Variants in INTS6 observed in about 807,000 individuals in gnomAD.
INTS6 encodes integrator complex subunit 6, also known as DEAD box protein.
INTS6 carries 16 observed loss-of-function variants against 104.9 expected under a neutral mutation model. That is an observed-to-expected ratio of 0.15 (90% confidence interval 0.10 to 0.23). INTS6 has a LOEUF of 0.23. INTS6 is among the 10% of genes least tolerant of loss of function. The probability of loss-of-function intolerance (pLI) is 1.00; values close to 1 mark genes in which losing one functional copy is unlikely to be tolerated. For synonymous variants in INTS6, 324 were observed against 358.7 expected (o/e 0.90, Z 1.09); for missense variants, 584 against 1,062.8 (o/e 0.55, Z 6.26).
At chr13:51,391,817 C>A (rs1461757866) in intron 5 of INTS6, among the ~76,000 whole-genome samples, 3 of 152,150 alleles carry the variant, frequency 2.0e-5, no homozygotes, top group Non-Finnish European at 4.4e-5. Flanking sequence ...TGTATTTAAT[C>A]TAGAAATATC....
chr13:51,417,460 T>C (rs1956809610), intron 4 of INTS6, among the ~76,000 whole-genome samples: 1 of 148,004 alleles, frequency 6.8e-6, no homozygotes, highest in Non-Finnish European at 1.5e-5. Flanking sequence ...TTCTTTTTTT[T>C]TTTTTTTTTT....
downstream of INTS6, among the ~76,000 whole-genome samples, chr13:51,358,003 C>A (rs911475170): frequency 3.2e-4 from 49 of 152,088 alleles, no homozygotes; most frequent in African/African-American, 1.2e-3. Context: ...TTAACTTATG[C>A]CACACCAGAT....
At chr13:51,337,774 T>C in the INTS6 span, among the ~76,000 whole-genome samples, 1 of 152,198 alleles carries the variant, frequency 6.6e-6, no homozygotes, top group Admixed American at 6.5e-5. Flanking sequence ...TGGAACACAG[T>C]AAGTGCTCAG....
intron 4 of INTS6, among the ~76,000 whole-genome samples, chr13:51,398,400 G>C (rs1483028304): frequency 6.6e-6 from 1 of 151,814 alleles, no homozygotes; most frequent in Non-Finnish European, 1.5e-5. Flanking sequence ...GCAAAAAATG[G>C]GCAATAGATA....
chr13:51,348,330 T>TCGAGCCACAC, the INTS6 span: 2 of 1,613,782 alleles, frequency 1.2e-6, no homozygotes, highest in Non-Finnish European at 1.7e-6. Context: ...CTGAGCCACA[T>TCGAGCCACAC]CGAGCCACAC....
intron 3 of INTS6, among the ~76,000 whole-genome samples, chr13:51,433,993 A>G (rs1434262505): frequency 1.3e-5 from 2 of 152,248 alleles, no homozygotes; most frequent in East Asian, 1.9e-4. Context: ...AACCTTATTA[A>G]GCTATTCTAA....
chr13:51,408,290 C>G (rs182136840), intron 4 of INTS6, among the ~76,000 whole-genome samples: 1,581 of 151,704 alleles, frequency 0.01, 17 homozygotes, highest in Non-Finnish European at 0.015. Flanking sequence ...ATTACAGGCG[C>G]CTGCCACCAT....
the INTS6 span, chr13:51,341,371 A>T: frequency 1.9e-6 from 3 of 1,558,148 alleles, no homozygotes; most frequent in African/African-American, 4.1e-5. Context: ...CCACGTGCAC[A>T]CTCACTTACC....
At chr13:51,434,249 T>C (rs1957146600) in intron 3 of INTS6, among the ~76,000 whole-genome samples, 1 of 152,178 alleles carries the variant, frequency 6.6e-6, no homozygotes, top group Non-Finnish European at 1.5e-5. Context: ...TTTCTTGATG[T>C]ATAAAATCAG....
At chr13:51,370,980 T>C (rs1955792155) in intron 15 of INTS6, among the ~76,000 whole-genome samples, 1 of 152,192 alleles carries the variant, frequency 6.6e-6, no homozygotes, top group African/African-American at 2.4e-5. Flanking sequence ...GTTATTGCTA[T>C]CAAGCACATC....
chr13:51,419,555 A>T (rs1469734255), intron 4 of INTS6, among the ~76,000 whole-genome samples: 1 of 152,182 alleles, frequency 6.6e-6, no homozygotes, highest in East Asian at 1.9e-4. Flanking sequence ...CCAACTCAAG[A>T]CATTTCCTAG....
chr13:51,432,381 A>G (rs1957107123), intron 3 of INTS6, among the ~76,000 whole-genome samples: 1 of 152,150 alleles, frequency 6.6e-6, no homozygotes, highest in Non-Finnish European at 1.5e-5. Context: ...CAATGTGAAT[A>G]TATCTAACAC....
downstream of INTS6, among the ~76,000 whole-genome samples, chr13:51,349,575 G>A (rs983354708): frequency 2.0e-5 from 3 of 152,262 alleles, no homozygotes; most frequent in South Asian, 6.2e-4. Flanking sequence ...GCGAGAATTC[G>A]CCACAACCTT....
chr13:51,431,745 G>C (rs1180593879), intron 3 of INTS6, among the ~76,000 whole-genome samples: 2 of 151,984 alleles, frequency 1.3e-5, no homozygotes, highest in African/African-American at 4.8e-5. Flanking sequence ...TGGTTCCGGG[G>C]GAGAAAGATT....
the INTS6 span, chr13:51,341,103 C>A: frequency 6.2e-7 from 1 of 1,613,930 alleles, no homozygotes; most frequent in Non-Finnish European, 8.5e-7. Context: ...TGCCGCCTTT[C>A]CTGATCACCC....
chr13:51,367,132 A>C (rs1955708051), intron 17 of INTS6, among the ~76,000 whole-genome samples: 1 of 151,988 alleles, frequency 6.6e-6, no homozygotes, highest in South Asian at 2.1e-4. Context: ...ACCTATGTAC[A>C]TTCTCCCATA....
intron 4 of INTS6, among the ~76,000 whole-genome samples, chr13:51,400,723 G>T (rs1490010852): frequency 6.6e-6 from 1 of 152,162 alleles, no homozygotes; most frequent in Non-Finnish European, 1.5e-5. Flanking sequence ...ACAATGTTTA[G>T]AATAGTTTTA....
chr13:51,394,018 C>T (rs924257484), intron 5 of INTS6, among the ~76,000 whole-genome samples: 1 of 150,722 alleles, frequency 6.6e-6, no homozygotes, highest in Non-Finnish European at 1.5e-5. Context: ...TAAGTAAAAT[C>T]CCCAGAGTTT....
the INTS6 span, chr13:51,347,201 C>T: frequency 6.2e-7 from 1 of 1,613,852 alleles, no homozygotes; most frequent in Admixed American, 1.7e-5. Flanking sequence ...CCTTCAGGTC[C>T]CCATGATGCA....
Sources: allele counts gnomAD v4.1 joint callset (sites outside exome capture counted in the v4.1 genomes callset), GRCh38; gene constraint gnomAD v4.1.1; transcripts MANE v1.5; gene names NCBI Gene and HGNC (gene_info 2026-07-23, HGNC 2026-07-21).